The following ROBO2 variants were observed in gnomAD, a reference collection of about 807,000 sequenced individuals.
ROBO2 encodes the protein roundabout homolog 2.
Under a neutral mutation model 160.8 loss-of-function variants are expected in ROBO2, and 53 were observed. That is an observed-to-expected ratio of 0.33 (90% CI 0.26 to 0.41). The LOEUF (loss-of-function observed/expected upper bound fraction) is 0.41. ROBO2 is among the 10% of genes least tolerant of loss of function. ROBO2 has a pLI of 1.00. For synonymous variants in ROBO2, 664 were observed against 611.7 expected, an observed-to-expected ratio of 1.09 and a Z score of -1.26; for missense variants, 1,577 against 1,722.4, an observed-to-expected ratio of 0.92 and a Z score of 1.49.
intron 2 of ROBO2, among the ~76,000 whole-genome samples, chr3:76,413,349 T>C (rs1577037699): frequency 6.6e-6 from 1 of 152,388 alleles, no homozygotes; most frequent in African/African-American, 2.4e-5. Context: ...TATGCAAATT[T>C]CTGCAGCCAG....
intron 2 of ROBO2, among the ~76,000 whole-genome samples, chr3:76,823,086 T>C (rs1033585012): frequency 2.0e-5 from 3 of 152,110 alleles, no homozygotes; most frequent in African/African-American, 7.2e-5. Flanking sequence ...GAAAAATAAA[T>C]GTATACATTC....
At chr3:77,093,417 C>T (rs1248187960) in intron 1 of ROBO2, among the ~76,000 whole-genome samples, 1 of 152,020 alleles carries the variant, frequency 6.6e-6, no homozygotes, top group Admixed American at 6.6e-5. Flanking sequence ...TATTTTTTGA[C>T]CAAATAATGG....
At chr3:77,406,032 G>T (rs1457608347) in intron 2 of ROBO2, among the ~76,000 whole-genome samples, 2 of 152,184 alleles carry the variant, frequency 1.3e-5, no homozygotes, top group African/African-American at 4.8e-5. Flanking sequence ...AATTTATAAA[G>T]AAAGGAGGTT....
At chr3:76,867,646 G>A (rs571939599) in intron 2 of ROBO2, among the ~76,000 whole-genome samples, 1 of 152,282 alleles carries the variant, frequency 6.6e-6, no homozygotes, top group South Asian at 2.1e-4. Context: ...TGCATTTGCA[G>A]TTTCATTCTT....
At chr3:76,905,232 C>T (rs749166006) in intron 2 of ROBO2, among the ~76,000 whole-genome samples, 10 of 152,098 alleles carry the variant, frequency 6.6e-5, no homozygotes, top group Non-Finnish European at 1.3e-4. Flanking sequence ...CCTCTCTGCT[C>T]TTCAGTTCCT....
intron 2 of ROBO2, among the ~76,000 whole-genome samples, chr3:76,136,580 CCTGT>C (rs2071437102): frequency 1.3e-5 from 2 of 151,938 alleles, no homozygotes; most frequent in Non-Finnish European, 2.9e-5. Flanking sequence ...GAGCAGGGTG[CCTGT>C]CTATCTACAT....
intron 1 of ROBO2, among the ~76,000 whole-genome samples, chr3:75,913,422 A>C: frequency 6.6e-6 from 1 of 152,204 alleles, no homozygotes. Flanking sequence ...AGTGGTAATA[A>C]TATTTTTGTG....
At chr3:76,927,510 T>C (rs2077059547) in intron 2 of ROBO2, among the ~76,000 whole-genome samples, 1 of 152,210 alleles carries the variant, frequency 6.6e-6, no homozygotes, top group Non-Finnish European at 1.5e-5. Flanking sequence ...ATTGGTGTTA[T>C]TAGGACAAAG....
At chr3:76,487,754 G>A (rs1355684982) in intron 2 of ROBO2, among the ~76,000 whole-genome samples, 1 of 152,296 alleles carries the variant, frequency 6.6e-6, no homozygotes, top group East Asian at 1.9e-4. Flanking sequence ...AGTTCCCTCA[G>A]GTAGCTGAAA....
intron 1 of ROBO2, among the ~76,000 whole-genome samples, chr3:77,082,481 TA>T (rs1179260704): frequency 6.6e-6 from 1 of 152,248 alleles, no homozygotes; most frequent in South Asian, 2.1e-4. Flanking sequence ...CCTGTGAGGA[TA>T]ACTAAAGAAA....
chr3:76,953,679 C>A (rs1360971317), intron 2 of ROBO2, among the ~76,000 whole-genome samples: 3 of 152,206 alleles, frequency 2.0e-5, no homozygotes, highest in Admixed American at 1.3e-4. Context: ...CAGGATATAC[C>A]AAGCATCACT....
At chr3:76,440,177 G>C (rs1434120156) in intron 2 of ROBO2, among the ~76,000 whole-genome samples, 1 of 152,060 alleles carries the variant, frequency 6.6e-6, no homozygotes, top group African/African-American at 2.4e-5. Context: ...TAAATAGCAA[G>C]ACCTGGGGTC....
At chr3:76,991,370 T>C (rs2060656538) in intron 2 of ROBO2, among the ~76,000 whole-genome samples, 1 of 152,216 alleles carries the variant, frequency 6.6e-6, no homozygotes, top group South Asian at 2.1e-4. Context: ...TTCACCTAAA[T>C]GCAATATCAT....
intron 2 of ROBO2, among the ~76,000 whole-genome samples, chr3:76,899,410 AAT>A (rs941327544): frequency 6.6e-6 from 1 of 152,168 alleles, no homozygotes; most frequent in Non-Finnish European, 1.5e-5. Flanking sequence ...ATTGGATTTA[AAT>A]ATGCCTCCTG....
At chr3:76,082,549 A>C (rs2068869860) in intron 2 of ROBO2, among the ~76,000 whole-genome samples, 1 of 152,082 alleles carries the variant, frequency 6.6e-6, no homozygotes, top group Non-Finnish European at 1.5e-5. Context: ...TGTTTCAGAG[A>C]GAGTGACAAG....
At chr3:76,158,743 C>T (rs2072507966) in intron 2 of ROBO2, among the ~76,000 whole-genome samples, 1 of 152,104 alleles carries the variant, frequency 6.6e-6, no homozygotes, top group African/African-American at 2.4e-5. Context: ...GTGAGAAAGA[C>T]TTGTATCAAG....
At chr3:77,577,752 A>G in intron 15 of ROBO2, 138 bp downstream of exon 16, 1 of 1,099,650 alleles carries the variant, frequency 9.1e-7, no homozygotes. Context: ...TCTGTGTGAC[A>G]GAGAATGAAA....
chr3:76,371,514 GTA>G (rs2076099467), intron 2 of ROBO2, among the ~76,000 whole-genome samples: 1 of 151,488 alleles, frequency 6.6e-6, no homozygotes, highest in African/African-American at 2.4e-5. Context: ...ATACGTAATT[GTA>G]TATGAGTCTT....
At chr3:76,134,191 T>C (rs923651749) in intron 2 of ROBO2, among the ~76,000 whole-genome samples, 21 of 152,280 alleles carry the variant, frequency 1.4e-4, no homozygotes, top group African/African-American at 4.8e-4. Flanking sequence ...TGATGTAACT[T>C]AATTAAATTA....
Sources: allele counts gnomAD v4.1 joint callset (sites outside exome capture counted in the v4.1 genomes callset), GRCh38; gene constraint gnomAD v4.1.1; transcripts MANE v1.5; gene names NCBI Gene and HGNC (gene_info 2026-07-23, HGNC 2026-07-21).